TNIP3: variants seen among roughly 807,000 people sequenced by gnomAD.
The protein encoded by TNIP3 is TNFAIP3-interacting protein 3.
Under a neutral mutation model 54.1 loss-of-function variants are expected in TNIP3, and 34 were observed. The ratio of observed to expected loss-of-function variants is 0.63; its 90% confidence interval spans 0.48 to 0.84. The LOEUF is 0.84. Among genes scored for constraint, TNIP3 ranks in the 40% least tolerant of loss-of-function variants. The pLI, the probability that TNIP3 is intolerant of heterozygous loss-of-function variation, is 0.00. For synonymous variants in TNIP3, 134 were observed against 136.8 expected, an observed-to-expected ratio of 0.98 and a Z score of 0.14; for missense variants, 366 against 387.6, an observed-to-expected ratio of 0.94 and a Z score of 0.47.
intron 3 of TNIP3, among the ~76,000 whole-genome samples, chr4:121,179,789 C>G (rs756898825): frequency 7.3e-5 from 11 of 151,396 alleles, no homozygotes; most frequent in Non-Finnish European, 1.6e-4. Flanking sequence ...GATTCATTCA[C>G]CAGCATAGAA....
upstream of TNIP3, among the ~76,000 whole-genome samples, chr4:121,168,243 G>T (rs187299326): frequency 3.3e-5 from 5 of 151,844 alleles, no homozygotes; most frequent in African/African-American, 1.2e-4. Flanking sequence ...GTCTCGCTCT[G>T]TCACCCAGGC....
intron 2 of TNIP3, among the ~76,000 whole-genome samples, chr4:121,197,244 CCTGCCGGGCACAGCAG>C (rs2148837033): frequency 6.6e-6 from 1 of 152,158 alleles, no homozygotes; most frequent in African/African-American, 2.4e-5. Flanking sequence ...ACACCTAAGT[CCTGCCGGGCACAGCAG>C]CTCATGCCTA....
intron 3 of TNIP3, among the ~76,000 whole-genome samples, chr4:121,172,495 G>A (rs894819227): frequency 7.2e-5 from 11 of 152,114 alleles, no homozygotes; most frequent in Admixed American, 5.2e-4. Context: ...GTCAGATGGG[G>A]GATCACTGTA....
At chr4:121,180,361 C>T (rs1724618337) in intron 3 of TNIP3, among the ~76,000 whole-genome samples, 1 of 152,026 alleles carries the variant, frequency 6.6e-6, no homozygotes, top group South Asian at 2.1e-4. Flanking sequence ...GATCGCACCA[C>T]TGCACTCCAG....
At chr4:121,150,252 A>G (rs1560646255) in intron 5 of TNIP3, 33 bp from the exon 6 acceptor site, 2 of 1,309,402 alleles carry the variant, frequency 1.5e-6, no homozygotes, top group Non-Finnish European at 2.2e-6. Context: ...TGTTGATCTA[A>G]GATTTACCAC....
chr4:121,147,781 A>T (rs550071332), intron 6 of TNIP3, among the ~76,000 whole-genome samples: 2 of 152,200 alleles, frequency 1.3e-5, no homozygotes, highest in East Asian at 3.8e-4. Flanking sequence ...TTAAATTACT[A>T]CTTATATTGG....
At chr4:121,194,425 T>G (rs1725458786) in intron 2 of TNIP3, among the ~76,000 whole-genome samples, 1 of 152,204 alleles carries the variant, frequency 6.6e-6, no homozygotes, top group African/African-American at 2.4e-5. Flanking sequence ...TTTATAAAAA[T>G]GAAATTAGCA....
At chr4:121,185,034 G>A (rs2148828897) in intron 2 of TNIP3, among the ~76,000 whole-genome samples, 1 of 152,292 alleles carries the variant, frequency 6.6e-6, no homozygotes, top group Middle Eastern at 3.4e-3. Context: ...AGACTTGCCT[G>A]CCAAGATGTC....
intron 2 of TNIP3, among the ~76,000 whole-genome samples, chr4:121,184,594 C>T (rs1724904739): frequency 6.6e-6 from 1 of 152,160 alleles, no homozygotes; most frequent in South Asian, 2.1e-4. Flanking sequence ...GACTACCTTC[C>T]AACTTTCAGA....
At chr4:121,154,482 G>T (rs920091967) in intron 5 of TNIP3, 69 bp downstream of exon 5, 4 of 1,588,012 alleles carry the variant, frequency 2.5e-6, no homozygotes, top group African/African-American at 2.7e-5. Context: ...ATTTTGTTGC[G>T]ACTGTCAGTA....
chr4:121,174,671 C>T (rs1241162237), intron 3 of TNIP3, among the ~76,000 whole-genome samples: 1 of 150,512 alleles, frequency 6.6e-6, no homozygotes, highest in Non-Finnish European at 1.5e-5. Flanking sequence ...ATCTTCCTCA[C>T]TGGAAAAAAA....
chr4:121,154,447 G>A, intron 5 of TNIP3, 104 bp downstream of exon 5: 1 of 1,416,834 alleles, frequency 7.1e-7, no homozygotes, highest in Non-Finnish European at 9.7e-7. Flanking sequence ...AAGCCTCCAA[G>A]GCTGGGACCC....
rs571229935 is a variant in TNIP3, at chr4:121,138,090, A to G, written c.946+534T>C. ...AAGTACTCTTAGTTGTGAGTACTTC[A>G]TAAGTGACTTTTAGTTTTCCCCAGC... On this transcript the variant is annotated intron_variant, in intron 10 of 10. Coordinates refer to ENST00000057513, the MANE Select transcript of TNIP3 (RefSeq NM_024873.6). The G allele has an allele frequency of 1.7e-5, 7 of 415,546 alleles. No homozygotes were observed. The East Asian group carries it at 3.6e-4, about 21-fold the overall frequency. The allele number at this position is 415,546 out of a possible 1,614,324, so 25.7% of individuals were successfully genotyped here.
At chr4:121,142,963 T>C (rs1370960928) in intron 7 of TNIP3, among the ~76,000 whole-genome samples, 187 bp from the exon 8 acceptor site, 1 of 152,244 alleles carries the variant, frequency 6.6e-6, no homozygotes, top group African/African-American at 2.4e-5. Flanking sequence ...AATGTGATAG[T>C]TTTAAATTGC....
Position 121,132,597 on chromosome 4 carries a change from G to T in TNIP3, c.*34C>A. 1 of 1,607,358 alleles carries T rather than the reference G, an allele frequency of 6.2e-7. No homozygotes were observed. Among genetic ancestry groups the T allele is most frequent in the South Asian group, 1.1e-5 (1 of 90,744 alleles). On this transcript the variant is annotated 3_prime_UTR_variant, in exon 11 of 11. Transcript: ENST00000057513. ...AGAGGGTCCTCAGCCACGCTCCCTC[G>T]TTGCCTGTTGTCTCTCTCTGTTAGT...
intron 10 of TNIP3, among the ~76,000 whole-genome samples, chr4:121,138,411 G>C (rs77151732): frequency 0.019 from 2,936 of 152,328 alleles, 68 homozygotes; most frequent in Admixed American, 0.029. Context: ...ACAGAAGCCA[G>C]AATTGAGGTT....
At chr4:121,199,035 G>A (rs2148838409) in intron 2 of TNIP3, among the ~76,000 whole-genome samples, 1 of 152,322 alleles carries the variant, frequency 6.6e-6, no homozygotes, top group Admixed American at 6.5e-5. Flanking sequence ...TTAAGAGGAA[G>A]TTTAGTGAAA....
chr4:121,142,738 C>T lies in TNIP3; in HGVS notation c.774G>A (p.Lys258=), dbSNP rs571032078. ...TAGATCAACATACCTGTTTTAATTGCTTTTCTAGTTTTTCTTTCTCCATCT... is the reference window on the plus strand; with the variant it reads ...TAGATCAACATACCTGTTTTAATTGTTTTTCTAGTTTTTCTTTCTCCATCT... ...ACQMEKEKLE[K]QLKQMYCPPC... is the part of the protein sequence containing the mutation. Residue 258 remains lysine, a synonymous_variant, in exon 8 of 11, where the codon AAG becomes AAA. Transcript: ENST00000057513. 1.9e-6 allele frequency: 3 copies of T among 1,611,988 alleles called. No homozygotes were observed. In the South Asian group the frequency reaches 3.3e-5, roughly 18 times the overall value.
chr4:121,157,149 T>G lies in TNIP3; in HGVS notation c.308A>C (p.Gln103Pro), dbSNP rs764856539. Residue 103 changes from glutamine (Q) to proline (P), a missense_variant, in exon 4 of 11, where the codon CAG (glutamine) becomes CCG (proline). Transcript: ENST00000057513. ...GTCGCGCTGCCTGTCGTCCTCTCTC[T>G]GCCTGTCGTCCTTTCTCTGCCTCTG... Reference protein sequence around the residue: ...PHQRQRKDDRQREDDRQRDLT... With the variant: ...PHQRQRKDDRPREDDRQRDLT... 57 of 1,517,188 alleles carry G rather than the reference T, an allele frequency of 3.8e-5. No individual in the cohort carries two copies. The highest frequency in any genetic ancestry group is 4.8e-5 in the Non-Finnish European group (54 of 1,124,256). 94.0% of individuals were successfully genotyped at this position (1,517,188 alleles called of 1,614,324 possible). A position where few individuals can be genotyped will look rare whatever the true frequency, so the allele number is the denominator to read the frequency against.
Sources: allele counts gnomAD v4.1 joint callset (sites outside exome capture counted in the v4.1 genomes callset), GRCh38; gene constraint gnomAD v4.1.1; transcripts MANE v1.5; gene names NCBI Gene and HGNC (gene_info 2026-07-23, HGNC 2026-07-21).